Variants in MYO1E observed in about 807,000 individuals in gnomAD.
The protein encoded by MYO1E is unconventional myosin-Ie.
MYO1E carries 68 observed loss-of-function variants against 151.1 expected under a neutral mutation model. The observed-to-expected ratio is 0.45, with a 90% confidence interval of 0.37 to 0.55. The LOEUF (loss-of-function observed/expected upper bound fraction) is 0.55. MYO1E is among the 20% of genes least tolerant of loss of function. The pLI is 0.00. For missense variants in MYO1E, 1,363 were observed against 1,389.3 expected (o/e 0.98, Z 0.30); for synonymous variants, 601 against 501.7 (o/e 1.20, Z -2.64).
intron 6 of MYO1E, among the ~76,000 whole-genome samples, chr15:59,228,939 T>C (rs1168386901): frequency 6.6e-6 from 1 of 152,210 alleles, no homozygotes; most frequent in Non-Finnish European, 1.5e-5. Flanking sequence ...ATCTGATGAT[T>C]CTTTTCCTCC....
intron 1 of MYO1E, among the ~76,000 whole-genome samples, chr15:59,273,116 G>A (rs558669919): frequency 6.6e-6 from 1 of 152,196 alleles, no homozygotes; most frequent in Non-Finnish European, 1.5e-5. Flanking sequence ...CAGGACAGAC[G>A]AAACGAGATC....
At chr15:59,318,251 T>C (rs1464569019) in intron 1 of MYO1E, among the ~76,000 whole-genome samples, 3 of 152,202 alleles carry the variant, frequency 2.0e-5, no homozygotes, top group African/African-American at 4.8e-5. Flanking sequence ...ACAATCACTC[T>C]AGAAGAGGCA....
chr15:59,207,643 C>T (rs1172983052), intron 14 of MYO1E: 6 of 1,614,110 alleles, frequency 3.7e-6, no homozygotes, highest in Non-Finnish European at 5.1e-6. Context: ...TGAAAGCTGC[C>T]ATGGATGGAT....
chr15:59,283,786 T>C (rs2080370916), intron 1 of MYO1E, among the ~76,000 whole-genome samples: 2 of 152,194 alleles, frequency 1.3e-5, no homozygotes, highest in African/African-American at 4.8e-5. Flanking sequence ...CTTCAGATCT[T>C]TGCCCTTAAA....
chr15:59,229,043 G>C (rs1408728564), intron 6 of MYO1E, among the ~76,000 whole-genome samples: 1 of 152,192 alleles, frequency 6.6e-6, no homozygotes, highest in Non-Finnish European at 1.5e-5. Flanking sequence ...AAAGCTCACT[G>C]AAAGAGAGCT....
intron 9 of MYO1E, among the ~76,000 whole-genome samples, chr15:59,219,880 A>G (rs1370512056): frequency 1.3e-5 from 2 of 152,210 alleles, no homozygotes; most frequent in Admixed American, 1.3e-4. Context: ...GGAAAAGGAA[A>G]TATCTTCACA....
chr15:59,314,771 C>T (rs1276501023), intron 1 of MYO1E, among the ~76,000 whole-genome samples: 2 of 152,192 alleles, frequency 1.3e-5, no homozygotes, highest in Non-Finnish European at 2.9e-5. Flanking sequence ...ACAGGACAAA[C>T]CTCCACAACA....
At chr15:59,246,611 C>G (rs1239707044) in intron 4 of MYO1E, among the ~76,000 whole-genome samples, 4 of 152,184 alleles carry the variant, frequency 2.6e-5, no homozygotes, top group Admixed American at 2.6e-4. Flanking sequence ...CATCCCATCT[C>G]TTTTCTACCA....
In MYO1E at chr15:59,202,381, T is replaced by C. The variant is rs768261413; in HGVS notation, c.1643A>G (p.Glu548Gly). The C allele has an allele frequency of 1.2e-6, 2 of 1,614,138 alleles. No homozygotes were observed. The highest frequency in any genetic ancestry group is 3.3e-5 in the Admixed American group (2 of 60,020). Residue 548 changes from glutamate to glycine, a missense_variant, in exon 16 of 28, where the codon GAA becomes GGA. Transcript: ENST00000288235. ...CCCTTTCTTGTCAGCCTGCAGATTTTCCGGAAATAAAGACTTTATGAAAGG... is the reference window on the plus strand; with the variant it reads ...CCCTTTCTTGTCAGCCTGCAGATTTCCCGGAAATAAAGACTTTATGAAAGG... ...ELPFIKSLFP[E>G]NLQADKKGRP...
At chr15:59,215,546 G>A (rs1189419769) in intron 10 of MYO1E, among the ~76,000 whole-genome samples, 1 of 152,162 alleles carries the variant, frequency 6.6e-6, no homozygotes, top group Non-Finnish European at 1.5e-5. Flanking sequence ...TGGATAGAGC[G>A]GTTGGTGGGG....
intron 2 of MYO1E, among the ~76,000 whole-genome samples, chr15:59,268,835 G>C (rs1271610472): frequency 6.8e-6 from 1 of 148,038 alleles, no homozygotes; most frequent in Non-Finnish European, 1.5e-5. Flanking sequence ...ATAAGACATA[G>C]TCCCTGCTTC....
chr15:59,359,327 T>TATA (rs202215653), intron 1 of MYO1E, among the ~76,000 whole-genome samples: 1,477 of 118,200 alleles, frequency 0.012, 21 homozygotes, highest in African/African-American at 0.039. Flanking sequence ...TATATATATA[T>TATA]TTTTTTTTTT....
At chr15:59,294,637 CCT>C (rs1204847715) in intron 1 of MYO1E, among the ~76,000 whole-genome samples, 1 of 152,196 alleles carries the variant, frequency 6.6e-6, no homozygotes, top group East Asian at 1.9e-4. Context: ...CTCCCTTGCC[CCT>C]GTCGTTTCAG....
chr15:59,297,721 C>G (rs1434164761), intron 1 of MYO1E, among the ~76,000 whole-genome samples: 1 of 151,794 alleles, frequency 6.6e-6, no homozygotes, highest in African/African-American at 2.4e-5. Flanking sequence ...GCTGGGACTA[C>G]AGGTGTGCAC....
At chr15:59,275,388 T>G (rs1445205938) in intron 1 of MYO1E, among the ~76,000 whole-genome samples, 1 of 152,104 alleles carries the variant, frequency 6.6e-6, no homozygotes, top group African/African-American at 2.4e-5. Flanking sequence ...TATCTCTCTC[T>G]CCCTCTCCCT....
chr15:59,257,841 G>T (rs1457529496), intron 3 of MYO1E, among the ~76,000 whole-genome samples: 1 of 152,154 alleles, frequency 6.6e-6, no homozygotes, highest in Non-Finnish European at 1.5e-5. Flanking sequence ...TGGATACCTG[G>T]ATAGGACCTC....
intron 1 of MYO1E, among the ~76,000 whole-genome samples, chr15:59,367,841 C>T (rs575828139): frequency 8.1e-4 from 123 of 152,270 alleles, no homozygotes; most frequent in African/African-American, 2.7e-3. Context: ...TGGCAGAGGC[C>T]GGGCGTGGTG....
At chr15:59,299,853 ATTAAG>A (rs1398122618) in intron 1 of MYO1E, among the ~76,000 whole-genome samples, 2 of 152,206 alleles carry the variant, frequency 1.3e-5, no homozygotes, top group Admixed American at 6.5e-5. Context: ...TGCCATTTAA[ATTAAG>A]TTGATTAGAT....
Position 59,359,280 on chromosome 15 carries a change from C to CAT in MYO1E, c.3+13216_3+13217dup, listed in dbSNP as rs34337748. ...GTAAAATATATATATATTTTACATA[C>CAT]ATATATATATATATGTATGTGTATA... On this transcript the variant is annotated intron_variant, in intron 1 of 27. Transcript: ENST00000288235. 5.0e-3 allele frequency among the ~76,000 whole-genome samples: 706 copies of CAT among 140,208 alleles called. 8 individuals carry two copies. The highest frequency in any genetic ancestry group is 0.014 in the African/African-American group (545 of 37,820). The allele number at this position is 140,208 out of a possible 152,430, so 92.0% of individuals were successfully genotyped here.
Sources: allele counts gnomAD v4.1 joint callset (sites outside exome capture counted in the v4.1 genomes callset), GRCh38; gene constraint gnomAD v4.1.1; transcripts MANE v1.5; gene names NCBI Gene and HGNC (gene_info 2026-07-23, HGNC 2026-07-21).